ADAMTS12: variants seen among roughly 807,000 people sequenced by gnomAD.
The protein encoded by ADAMTS12 is ADAM metallopeptidase with thrombospondin type 1 motif 12, also known as A disintegrin and metalloproteinase with thrombospondin motifs 12.
Under a neutral mutation model 167.8 loss-of-function variants are expected in ADAMTS12, and 118 were observed. The ratio of observed to expected loss-of-function variants is 0.70; its 90% CI spans 0.61 to 0.82. ADAMTS12 has a LOEUF of 0.82. ADAMTS12 is among the 40% of genes least tolerant of loss of function. The pLI, the probability that ADAMTS12 is intolerant of heterozygous loss-of-function variation, is 0.00. For missense variants in ADAMTS12, 1,916 were observed against 1,998.8 expected, an observed-to-expected ratio of 0.96 and a Z score of 0.79; for synonymous variants, 704 against 716.9, an observed-to-expected ratio of 0.98 and a Z score of 0.29.
chr5:33,704,883 G>T (rs1386701002), intron 3 of ADAMTS12, among the ~76,000 whole-genome samples: 4 of 151,654 alleles, frequency 2.6e-5, no homozygotes, highest in African/African-American at 9.7e-5. Flanking sequence ...CTATACTTTT[G>T]GTTTTATAAG....
chr5:33,827,561 T>C (rs1207647381), intron 2 of ADAMTS12, among the ~76,000 whole-genome samples: 1 of 152,092 alleles, frequency 6.6e-6, no homozygotes, highest in Non-Finnish European at 1.5e-5. Flanking sequence ...TATGCAGCAA[T>C]AGAAAGCTAT....
intron 3 of ADAMTS12, among the ~76,000 whole-genome samples, chr5:33,730,021 T>C (rs1744126745): frequency 6.6e-6 from 1 of 152,230 alleles, no homozygotes; most frequent in Non-Finnish European, 1.5e-5. Flanking sequence ...AGTTCCATTC[T>C]GGAGCTCCAA....
intron 13 of ADAMTS12, 127 bp downstream of exon 13, chr5:33,630,653 T>G (rs2112144208): frequency 9.7e-7 from 1 of 1,031,470 alleles, no homozygotes; most frequent in South Asian, 2.0e-5. Context: ...TTTCGTTTCA[T>G]GAACTATATA....
At chr5:33,831,856 T>C (rs1424258299) in intron 2 of ADAMTS12, among the ~76,000 whole-genome samples, 1 of 152,234 alleles carries the variant, frequency 6.6e-6, no homozygotes, top group African/African-American at 2.4e-5. Flanking sequence ...ATGAAAGCCC[T>C]GCTCTATGGC....
chr5:33,602,120 G>T (rs1223329215), intron 16 of ADAMTS12, among the ~76,000 whole-genome samples: 1 of 152,166 alleles, frequency 6.6e-6, no homozygotes, highest in African/African-American at 2.4e-5. Flanking sequence ...GCAAGGCAAA[G>T]CTCCACAGAA....
chr5:33,839,820 C>T (rs1748680570), intron 2 of ADAMTS12, among the ~76,000 whole-genome samples: 1 of 152,200 alleles, frequency 6.6e-6, no homozygotes, highest in Non-Finnish European at 1.5e-5. Context: ...TCCGTGCTAT[C>T]ATTTTTGTTC....
intron 16 of ADAMTS12, among the ~76,000 whole-genome samples, chr5:33,604,655 C>T (rs530327200): frequency 6.6e-6 from 1 of 151,942 alleles, no homozygotes; most frequent in African/African-American, 2.4e-5. Flanking sequence ...TACCTGCTGG[C>T]TCCATCACTT....
chr5:33,681,815 AG>A (rs1474468751), intron 5 of ADAMTS12, among the ~76,000 whole-genome samples: 2 of 152,176 alleles, frequency 1.3e-5, no homozygotes, highest in Admixed American at 6.5e-5. Context: ...AGTGAGTATG[AG>A]AGTAGGAAAC....
At chr5:33,787,827 A>G (rs1003787089) in intron 2 of ADAMTS12, among the ~76,000 whole-genome samples, 3 of 152,252 alleles carry the variant, frequency 2.0e-5, no homozygotes, top group African/African-American at 7.2e-5. Context: ...AACACTTTAC[A>G]GAGGCAAAGT....
intron 2 of ADAMTS12, among the ~76,000 whole-genome samples, chr5:33,820,115 G>A (rs1183407418): frequency 6.6e-6 from 1 of 152,118 alleles, no homozygotes; most frequent in Non-Finnish European, 1.5e-5. Context: ...TTTCAGCTGT[G>A]CCACCTGTAA....
chr5:33,744,552 G>A (rs1436078245), intron 3 of ADAMTS12, among the ~76,000 whole-genome samples: 2 of 152,140 alleles, frequency 1.3e-5, no homozygotes, highest in Admixed American at 6.5e-5. Context: ...GACTTCTAAT[G>A]GAAGACATCA....
At chr5:33,874,595 G>A (rs1390022732) in intron 2 of ADAMTS12, among the ~76,000 whole-genome samples, 1 of 152,188 alleles carries the variant, frequency 6.6e-6, no homozygotes, top group Non-Finnish European at 1.5e-5. Context: ...ACCTAAATGA[G>A]TTGAAAACTC....
chr5:33,539,698 T>C (rs1026555473), intron 22 of ADAMTS12, among the ~76,000 whole-genome samples: 4 of 152,182 alleles, frequency 2.6e-5, no homozygotes, highest in Non-Finnish European at 4.4e-5. Context: ...AATCAATGAA[T>C]GCACTGAATA....
chr5:33,876,272 A>G (rs577711233), intron 2 of ADAMTS12, among the ~76,000 whole-genome samples: 2 of 152,320 alleles, frequency 1.3e-5, no homozygotes, highest in Admixed American at 6.5e-5. Flanking sequence ...TCCCAGCAAG[A>G]TTTTGTAGAC....
chr5:33,787,001 T>C (rs1384240326), intron 2 of ADAMTS12, among the ~76,000 whole-genome samples: 1 of 141,666 alleles, frequency 7.1e-6, no homozygotes. Flanking sequence ...ATACTCGTTC[T>C]ACATATTAGT....
At chr5:33,561,621 A>T (rs920648585) in intron 19 of ADAMTS12, among the ~76,000 whole-genome samples, 14 of 152,164 alleles carry the variant, frequency 9.2e-5, no homozygotes, top group African/African-American at 3.1e-4. Context: ...ATCTCTAAAG[A>T]AATTTAAAAA....
intron 3 of ADAMTS12, among the ~76,000 whole-genome samples, chr5:33,740,220 A>G: frequency 6.6e-6 from 1 of 152,234 alleles, no homozygotes; most frequent in South Asian, 2.1e-4. Flanking sequence ...TTGACTGTAT[A>G]TAAGCAAGAC....
intron 3 of ADAMTS12, among the ~76,000 whole-genome samples, chr5:33,709,120 C>T (rs544798040): frequency 9.2e-5 from 14 of 152,224 alleles, no homozygotes; most frequent in Admixed American, 2.0e-4. Flanking sequence ...CATCACTGAT[C>T]ATTAGAGAAA....
intron 2 of ADAMTS12, among the ~76,000 whole-genome samples, chr5:33,787,268 G>T (rs1349968539): frequency 1.3e-5 from 2 of 152,184 alleles, no homozygotes; most frequent in Non-Finnish European, 2.9e-5. Context: ...CTGATGTAAA[G>T]GCTAAAGCTT....
Sources: allele counts gnomAD v4.1 joint callset (sites outside exome capture counted in the v4.1 genomes callset), GRCh38; gene constraint gnomAD v4.1.1; transcripts MANE v1.5; gene names NCBI Gene and HGNC (gene_info 2026-07-23, HGNC 2026-07-21).